The following ATXN7L1 variants were observed in gnomAD, a reference collection of about 807,000 sequenced individuals.
ATXN7L1 encodes the protein ataxin-7-like protein 1.
Under a neutral mutation model 70.8 loss-of-function variants are expected in ATXN7L1, and 15 were observed. That is an observed-to-expected ratio of 0.21 (90% CI 0.14 to 0.33). The LOEUF is 0.33. ATXN7L1 is among the 10% of genes least tolerant of loss of function. ATXN7L1 has a pLI of 1.00. For missense variants in ATXN7L1, 975 were observed against 1,097.1 expected (o/e 0.89, Z 1.57); for synonymous variants, 440 against 445.1 (o/e 0.99, Z 0.14).
chr7:105,792,742 C>A (rs1232191127), intron 2 of ATXN7L1, among the ~76,000 whole-genome samples: 4 of 152,200 alleles, frequency 2.6e-5, no homozygotes, highest in Non-Finnish European at 5.9e-5. Flanking sequence ...GAAGTATTTA[C>A]ACCAAGGAAA....
intron 2 of ATXN7L1, among the ~76,000 whole-genome samples, chr7:105,857,332 C>T (rs562098829): frequency 1.3e-5 from 2 of 152,340 alleles, no homozygotes; most frequent in East Asian, 3.9e-4. Context: ...TATCTTCCTT[C>T]CCTGGGCTCT....
chr7:105,656,107 C>T (rs1202530187), intron 4 of ATXN7L1, among the ~76,000 whole-genome samples: 87 of 152,236 alleles, frequency 5.7e-4, no homozygotes, highest in Non-Finnish European at 1.5e-5. Context: ...CAGCCTACAA[C>T]TGTGGGTCTG....
At chr7:105,646,727 T>C (rs1268695198) in intron 4 of ATXN7L1, among the ~76,000 whole-genome samples, 1 of 144,820 alleles carries the variant, frequency 6.9e-6, no homozygotes, top group African/African-American at 2.6e-5. Flanking sequence ...CGAGGCCAGG[T>C]ATTTGAGACC....
At chr7:105,689,825 TC>T (rs1790524237) in intron 3 of ATXN7L1, among the ~76,000 whole-genome samples, 1 of 152,044 alleles carries the variant, frequency 6.6e-6, no homozygotes, top group Non-Finnish European at 1.5e-5. Context: ...GCTTCTCAGC[TC>T]CCCTGTATGA....
chr7:105,689,699 T>C (rs540184074), intron 3 of ATXN7L1, among the ~76,000 whole-genome samples: 2 of 152,274 alleles, frequency 1.3e-5, no homozygotes, highest in African/African-American at 2.4e-5. Context: ...AGGGGCAGAT[T>C]TGAATCAAAT....
chr7:105,820,085 A>G (rs1809886715), intron 2 of ATXN7L1: 2 of 362,336 alleles, frequency 5.5e-6, no homozygotes, highest in East Asian at 6.8e-5. Context: ...CTCAAGACCC[A>G]TGGACTCCTG....
At chr7:105,816,595 G>C (rs1002223327) in intron 2 of ATXN7L1, among the ~76,000 whole-genome samples, 8 of 152,192 alleles carry the variant, frequency 5.3e-5, no homozygotes, top group South Asian at 2.1e-4. Flanking sequence ...TCAGGGAAGG[G>C]GCCCAGCAGC....
intron 3 of ATXN7L1, among the ~76,000 whole-genome samples, chr7:105,727,773 T>TAC (rs1554442555): frequency 8.1e-6 from 1 of 124,220 alleles, no homozygotes; most frequent in African/African-American, 3.2e-5. Flanking sequence ...TATATATATA[T>TAC]ATATACACAC....
chr7:105,760,002 T>C (rs534433012), intron 3 of ATXN7L1, among the ~76,000 whole-genome samples: 1 of 152,182 alleles, frequency 6.6e-6, no homozygotes, highest in Non-Finnish European at 1.5e-5. Context: ...TTAAATGATT[T>C]TCCCCCCTCA....
In ATXN7L1 at chr7:105,665,005, C is replaced by A. The variant is rs1053940228; in HGVS notation, c.578+61G>T. On this transcript the variant is annotated intron_variant, in intron 4 of 11. Transcript: ENST00000419735. The stretch of plus-strand genomic sequence containing the variant: ...AAGCCAGAGAGTAAATACTATTTCC[C>A]CATGGTGACAGGAACAGCAGGGGGG... 4 of 1,446,666 alleles carry A rather than the reference C, an allele frequency of 2.8e-6. No individual in the cohort carries two copies. In the Admixed American group the frequency reaches 8.0e-5, roughly 29 times the overall value. The allele number at this position is 1,446,666 out of a possible 1,614,324, so 89.6% of individuals were successfully genotyped here.
chr7:105,613,601 C>T, intron 10 of ATXN7L1: 2 of 1,369,044 alleles, frequency 1.5e-6, no homozygotes, highest in Non-Finnish European at 1.9e-6. Flanking sequence ...TAACTGCACT[C>T]ACTGCACTGG....
At chr7:105,618,537 CAGAAAGGGGCCTAAGG>C (rs2115768781) in intron 9 of ATXN7L1, among the ~76,000 whole-genome samples, 1 of 152,244 alleles carries the variant, frequency 6.6e-6, no homozygotes, top group South Asian at 2.1e-4. Flanking sequence ...TTTAGGCTTC[CAGAAAGGGGCCTAAGG>C]TGTCGTAGCT....
At chr7:105,819,437 T>C (rs1809727833) in intron 2 of ATXN7L1, 2 of 625,384 alleles carry the variant, frequency 3.2e-6, no homozygotes, top group African/African-American at 1.9e-5. Flanking sequence ...TAACTTGTAT[T>C]TGGGATTTAA....
intron 3 of ATXN7L1, among the ~76,000 whole-genome samples, chr7:105,751,456 A>T (rs1584919569): frequency 6.6e-6 from 1 of 151,820 alleles, no homozygotes; most frequent in African/African-American, 2.4e-5. Flanking sequence ...ACATGGGGAA[A>T]CCCCCGTCTC....
rs567781344 is a variant in ATXN7L1, at chr7:105,717,568, A to C, written c.356-52280T>G. 2.6e-5 allele frequency among the ~76,000 whole-genome samples: 4 copies of C among 152,234 alleles called. No homozygotes were observed. The East Asian group carries it at 5.8e-4, about 22-fold the overall frequency. On this transcript the variant is annotated intron_variant, in intron 3 of 11. Coordinates refer to ENST00000419735, the MANE Select transcript of ATXN7L1 (RefSeq NM_020725.2). Reference sequence around the variant, plus strand: ...GGCATGCTTGTACGCAATTTGATTTATTTACTTTATATAAATTCTGAGAAG... The same window carrying C: ...GGCATGCTTGTACGCAATTTGATTTCTTTACTTTATATAAATTCTGAGAAG...
intron 3 of ATXN7L1, among the ~76,000 whole-genome samples, chr7:105,697,240 G>T (rs1011305723): frequency 6.6e-6 from 1 of 152,168 alleles, no homozygotes; most frequent in Non-Finnish European, 1.5e-5. Context: ...TTCCTAATAA[G>T]CCTGGGAGCG....
intron 3 of ATXN7L1, among the ~76,000 whole-genome samples, chr7:105,710,378 A>C (rs1310972370): frequency 6.7e-6 from 1 of 150,286 alleles, no homozygotes. Flanking sequence ...AGAGAGAAAC[A>C]GTGAAGAGGG....
At chr7:105,625,821 T>G (rs546305226) in intron 7 of ATXN7L1, among the ~76,000 whole-genome samples, 1 of 152,338 alleles carries the variant, frequency 6.6e-6, no homozygotes, top group East Asian at 1.9e-4. Context: ...AAGAGTTAGA[T>G]GAGGAATAGT....
At chr7:105,624,931 T>A (rs1318956290) in intron 7 of ATXN7L1, among the ~76,000 whole-genome samples, 2 of 152,226 alleles carry the variant, frequency 1.3e-5, no homozygotes, top group African/African-American at 2.4e-5. Context: ...TTACAACTAT[T>A]CACCCATTTG....
Sources: gnomAD v4.1 joint callset for allele counts (sites outside exome capture counted in the v4.1 genomes callset) on GRCh38, gnomAD v4.1.1 for gene constraint, MANE v1.5 for transcripts, NCBI Gene and HGNC (gene_info 2026-07-23, HGNC 2026-07-21) for gene names.